Variants in FSTL5 observed in about 807,000 individuals in gnomAD.
FSTL5 encodes follistatin like 5, also known as follistatin-related protein 5.
Under a neutral mutation model 89.1 loss-of-function variants are expected in FSTL5, and 62 were observed. The observed-to-expected ratio is 0.70, with a 90% confidence interval of 0.57 to 0.86. FSTL5 has a LOEUF of 0.86. Among genes scored for constraint, FSTL5 ranks in the 40% least tolerant of loss-of-function variants. The pLI is 0.00. For synonymous variants in FSTL5, 383 were observed against 346.2 expected (o/e 1.11, Z -1.18); for missense variants, 1,057 against 1,001.6 (o/e 1.06, Z -0.75).
chr4:161,688,467 A>C (rs1737816715), intron 6 of FSTL5, among the ~76,000 whole-genome samples: 1 of 152,170 alleles, frequency 6.6e-6, no homozygotes, highest in Non-Finnish European at 1.5e-5. Flanking sequence ...ATTAGTAGCT[A>C]TACAGAATCA....
chr4:161,480,246 C>T (rs1048800249), intron 13 of FSTL5, among the ~76,000 whole-genome samples: 2 of 152,126 alleles, frequency 1.3e-5, no homozygotes, highest in African/African-American at 2.4e-5. Flanking sequence ...AAAATAACTT[C>T]GTAAGATACA....
Position 161,735,648 on chromosome 4 carries a change from G to A in FSTL5, c.727+23763C>T, listed in dbSNP as rs191010169. ...ACATTTTATTCAGAATTTATCATGC[G>A]TATAGTATAAATACTTTCATTTGTT... is the stretch of plus-strand genomic sequence containing the variant. On this transcript the variant is annotated intron_variant, in intron 6 of 15. Transcript: ENST00000306100. Among the ~76,000 whole-genome samples, 72 of 152,132 alleles carry A rather than the reference G, an allele frequency of 4.7e-4. 1 individual carries two copies. The East Asian group carries it at 7.9e-3, about 17-fold the overall frequency.
chr4:161,420,878 T>G (rs1365450459), intron 15 of FSTL5, among the ~76,000 whole-genome samples: 5 of 150,696 alleles, frequency 3.3e-5, no homozygotes. Context: ...TGTATGGTAT[T>G]AAATATAAAT....
chr4:161,734,153 T>C (rs1220684219), intron 6 of FSTL5, among the ~76,000 whole-genome samples: 1 of 152,150 alleles, frequency 6.6e-6, no homozygotes, highest in East Asian at 1.9e-4. Flanking sequence ...ATAATTTTTA[T>C]TTTAAACACA....
chr4:161,991,734 G>A (rs1464005000), intron 3 of FSTL5, among the ~76,000 whole-genome samples: 3 of 152,186 alleles, frequency 2.0e-5, no homozygotes, highest in Non-Finnish European at 4.4e-5. Context: ...CAGGTGTCCC[G>A]GAGCCAATCC....
chr4:161,808,812 A>C (rs571913022), intron 4 of FSTL5, among the ~76,000 whole-genome samples: 1 of 152,350 alleles, frequency 6.6e-6, no homozygotes, highest in South Asian at 2.1e-4. Context: ...AAACGAAATT[A>C]AATCACTTGA....
intron 6 of FSTL5, among the ~76,000 whole-genome samples, chr4:161,669,317 G>A (rs1012997201): frequency 2.6e-5 from 4 of 151,994 alleles, no homozygotes; most frequent in African/African-American, 4.8e-5. Flanking sequence ...TGTCTAGAGA[G>A]GCAAAAGATC....
intron 6 of FSTL5, among the ~76,000 whole-genome samples, chr4:161,709,936 T>C (rs1178042744): frequency 6.6e-6 from 1 of 152,150 alleles, no homozygotes; most frequent in Admixed American, 6.6e-5. Flanking sequence ...AAGACCATTT[T>C]AGTATTCCAT....
intron 2 of FSTL5, among the ~76,000 whole-genome samples, chr4:162,037,328 T>A (rs371995433): frequency 1.8e-4 from 27 of 152,008 alleles, no homozygotes; most frequent in African/African-American, 5.8e-4. Flanking sequence ...TCAATCTTGA[T>A]TTATTTTCTT....
At chr4:161,429,828 A>C (rs1401862236) in intron 15 of FSTL5, among the ~76,000 whole-genome samples, 1 of 152,174 alleles carries the variant, frequency 6.6e-6, no homozygotes, top group African/African-American at 2.4e-5. Context: ...TGAATGTTCA[A>C]TGCCCAGAAC....
intron 8 of FSTL5, among the ~76,000 whole-genome samples, chr4:161,555,063 G>C (rs1300612956): frequency 6.6e-6 from 1 of 151,602 alleles, no homozygotes; most frequent in Non-Finnish European, 1.5e-5. Flanking sequence ...CAGTCTTCAT[G>C]AAAGTGTAGA....
At chr4:161,759,357 TA>T in intron 6 of FSTL5, 53 bp downstream of exon 6, 1 of 1,537,064 alleles carries the variant, frequency 6.5e-7, no homozygotes, top group Non-Finnish European at 8.8e-7. Context: ...CCATATTGTG[TA>T]AAGCAACAGG....
At chr4:162,147,640 T>C (rs984476201) in intron 1 of FSTL5, among the ~76,000 whole-genome samples, 1 of 152,216 alleles carries the variant, frequency 6.6e-6, no homozygotes, top group Non-Finnish European at 1.5e-5. Flanking sequence ...ATCTTTTCTT[T>C]GAAGAGGCTT....
intron 3 of FSTL5, among the ~76,000 whole-genome samples, chr4:162,013,715 T>C (rs1481952732): frequency 6.6e-6 from 1 of 152,170 alleles, no homozygotes; most frequent in Non-Finnish European, 1.5e-5. Context: ...GTCTTTTTGT[T>C]TGTTTGTTTT....
intron 2 of FSTL5, among the ~76,000 whole-genome samples, chr4:162,074,329 T>G (rs1022028480): frequency 2.6e-5 from 4 of 151,774 alleles, no homozygotes; most frequent in Non-Finnish European, 5.9e-5. Context: ...TAGTAATGTT[T>G]GCCAGGTTTT....
At chr4:161,712,431 C>A (rs1579041050) in intron 6 of FSTL5, among the ~76,000 whole-genome samples, 1 of 152,124 alleles carries the variant, frequency 6.6e-6, no homozygotes, top group Non-Finnish European at 1.5e-5. Flanking sequence ...CCAGTAGTGA[C>A]TCTGTTAAAA....
At chr4:161,849,688 G>A (rs1404599928) in intron 4 of FSTL5, among the ~76,000 whole-genome samples, 1 of 151,850 alleles carries the variant, frequency 6.6e-6, no homozygotes, top group African/African-American at 2.4e-5. Context: ...ATAAATTATA[G>A]GAGTAAAAAT....
intron 7 of FSTL5, among the ~76,000 whole-genome samples, chr4:161,620,987 GAAAAGAA>G (rs1307528590): frequency 6.6e-6 from 1 of 151,652 alleles, no homozygotes; most frequent in Non-Finnish European, 1.5e-5. Context: ...AGTAATAGAG[GAAAAGAA>G]AAAAGAAACA....
chr4:161,756,958 T>C (rs1740591248), intron 6 of FSTL5, among the ~76,000 whole-genome samples: 1 of 152,170 alleles, frequency 6.6e-6, no homozygotes. Flanking sequence ...TAGTCAAGTC[T>C]ATGTATCTTT....
Sources: allele counts gnomAD v4.1 joint callset (sites outside exome capture counted in the v4.1 genomes callset), GRCh38; gene constraint gnomAD v4.1.1; transcripts MANE v1.5; gene names NCBI Gene and HGNC (gene_info 2026-07-23, HGNC 2026-07-21).